Variants in CTNNA3 observed in about 807,000 individuals in gnomAD.
CTNNA3 encodes catenin alpha 3, also known as catenin alpha-3.
A neutral mutation model predicts 95.7 loss-of-function variants in CTNNA3; 76 were observed. The observed-to-expected ratio is 0.79, with a 90% CI of 0.66 to 0.96. The LOEUF is 0.96. CTNNA3 is among the 40% of genes least tolerant of loss of function. CTNNA3 has a pLI of 0.00. For synonymous variants in CTNNA3, 431 were observed against 374.4 expected (o/e 1.15, Z -1.74); for missense variants, 1,191 against 1,089.8 (o/e 1.09, Z -1.31).
intron 6 of CTNNA3, among the ~76,000 whole-genome samples, chr10:67,194,091 T>C (rs929891262): frequency 6.6e-6 from 1 of 152,108 alleles, no homozygotes; most frequent in African/African-American, 2.4e-5. Context: ...ACTATGTTTG[T>C]TGGCTACATG....
intron 5 of CTNNA3, among the ~76,000 whole-genome samples, chr10:67,222,139 T>A (rs1864690791): frequency 6.6e-6 from 1 of 152,178 alleles, no homozygotes; most frequent in Non-Finnish European, 1.5e-5. Context: ...GCTACTATAT[T>A]TTTAGTTCCT....
chr10:67,204,106 A>G (rs978500487), intron 6 of CTNNA3, among the ~76,000 whole-genome samples: 5 of 151,940 alleles, frequency 3.3e-5, no homozygotes, highest in African/African-American at 1.2e-4. Context: ...GAAGTGATAA[A>G]GCAAATCTCT....
At chr10:66,480,761 T>G (rs181768275) in intron 11 of CTNNA3, among the ~76,000 whole-genome samples, 13 of 152,158 alleles carry the variant, frequency 8.5e-5, no homozygotes, top group South Asian at 2.1e-4. Flanking sequence ...CGTGCCACCA[T>G]GCCCGGTTAA....
intron 15 of CTNNA3, among the ~76,000 whole-genome samples, chr10:66,003,604 G>A (rs554087177): frequency 6.6e-6 from 1 of 152,226 alleles, no homozygotes; most frequent in Admixed American, 6.5e-5. Flanking sequence ...CTTTGGCAAA[G>A]TTTGTTTTTT....
chr10:66,124,108 T>G (rs766454101), intron 13 of CTNNA3, among the ~76,000 whole-genome samples: 2 of 152,176 alleles, frequency 1.3e-5, no homozygotes, highest in Admixed American at 1.3e-4. Flanking sequence ...GCTACACATT[T>G]TCTGAACTTT....
At chr10:67,462,848 C>G (rs1847432809) in intron 5 of CTNNA3, among the ~76,000 whole-genome samples, 1 of 151,998 alleles carries the variant, frequency 6.6e-6, no homozygotes, top group Non-Finnish European at 1.5e-5. Flanking sequence ...TCTTTTCCAT[C>G]AAGAGAAAAT....
intron 12 of CTNNA3, among the ~76,000 whole-genome samples, chr10:66,287,874 G>A (rs72799162): frequency 0.052 from 7,867 of 152,098 alleles, 395 homozygotes; most frequent in African/African-American, 0.13. Flanking sequence ...AGATCAAAAC[G>A]TGGGGCTGAG....
At chr10:67,736,792 C>T (rs937117018) in intron 1 of CTNNA3, among the ~76,000 whole-genome samples, 19 of 152,058 alleles carry the variant, frequency 1.2e-4, no homozygotes, top group Admixed American at 5.9e-4. Flanking sequence ...TTTAACTAGA[C>T]TTAACTAGAC....
chr10:66,503,199 T>G (rs1173669723), intron 11 of CTNNA3, among the ~76,000 whole-genome samples: 1 of 152,200 alleles, frequency 6.6e-6, no homozygotes, highest in Non-Finnish European at 1.5e-5. Context: ...TGTAATTTAT[T>G]CAATTCTTCC....
At chr10:66,449,870 TAAAATACTG>T (rs201391654) in intron 11 of CTNNA3, among the ~76,000 whole-genome samples, 1,597 of 152,234 alleles carry the variant, frequency 0.01, 28 homozygotes, top group African/African-American at 0.037. Context: ...CAAATGACAG[TAAAATACTG>T]AAAATTCTAA....
chr10:66,137,828 T>G (rs1025351703), intron 13 of CTNNA3, among the ~76,000 whole-genome samples: 3 of 152,062 alleles, frequency 2.0e-5, no homozygotes, highest in Admixed American at 6.6e-5. Flanking sequence ...CACGTCCCTG[T>G]GGTCCCAGCT....
intron 7 of CTNNA3, among the ~76,000 whole-genome samples, chr10:67,090,852 C>T (rs542686237): frequency 3.3e-5 from 5 of 152,014 alleles, no homozygotes; most frequent in East Asian, 3.9e-4. Context: ...ACATCTAGGC[C>T]GTCCCTGACA....
intron 9 of CTNNA3, among the ~76,000 whole-genome samples, chr10:66,758,441 G>C (rs576780657): frequency 6.6e-6 from 1 of 152,260 alleles, no homozygotes; most frequent in East Asian, 1.9e-4. Context: ...ATAGTGAATT[G>C]ATTAAAAAGA....
intron 9 of CTNNA3, among the ~76,000 whole-genome samples, chr10:66,644,519 T>C (rs1417501218): frequency 2.7e-5 from 4 of 150,120 alleles, no homozygotes; most frequent in Non-Finnish European, 5.9e-5. Context: ...AGACACTATG[T>C]AAATGTCTGA....
chr10:66,196,327 T>G (rs2086956215), intron 13 of CTNNA3, among the ~76,000 whole-genome samples: 1 of 152,136 alleles, frequency 6.6e-6, no homozygotes, highest in South Asian at 2.1e-4. Flanking sequence ...TATTTAGAGC[T>G]GCAATCCCGA....
At chr10:67,137,526 G>A (rs747940206) in intron 7 of CTNNA3, among the ~76,000 whole-genome samples, 6 of 152,140 alleles carry the variant, frequency 3.9e-5, no homozygotes, top group African/African-American at 1.4e-4. Context: ...ATATATGCAA[G>A]TCAGAAAAAG....
intron 7 of CTNNA3, among the ~76,000 whole-genome samples, chr10:66,953,713 T>C (rs906454501): frequency 6.6e-6 from 1 of 152,204 alleles, no homozygotes; most frequent in African/African-American, 2.4e-5. Context: ...ATCATCCAGA[T>C]TGTGCTTCTG....
chr10:66,380,476 C>T (rs575362040), intron 11 of CTNNA3, among the ~76,000 whole-genome samples: 3 of 151,878 alleles, frequency 2.0e-5, no homozygotes, highest in Admixed American at 1.3e-4. Flanking sequence ...GGAGTAGCAG[C>T]ATGTTGCTGT....
chr10:67,379,379 A>G (rs1843826397), intron 5 of CTNNA3, among the ~76,000 whole-genome samples: 1 of 152,198 alleles, frequency 6.6e-6, no homozygotes, highest in Non-Finnish European at 1.5e-5. Flanking sequence ...TCACAGGGCA[A>G]CTATGATCAT....
Sources: allele counts gnomAD v4.1 joint callset (sites outside exome capture counted in the v4.1 genomes callset), GRCh38; gene constraint gnomAD v4.1.1; transcripts MANE v1.5; gene names NCBI Gene and HGNC (gene_info 2026-07-23, HGNC 2026-07-21).